POSTN: variants seen among roughly 807,000 people sequenced by gnomAD.
POSTN encodes the protein osteoblast specific factor 2 (fasciclin I-like).
Under a neutral mutation model 104.5 loss-of-function variants are expected in POSTN, and 71 were observed. That is an observed-to-expected ratio of 0.68 (90% CI 0.56 to 0.83). POSTN has a LOEUF of 0.83. Among genes scored for constraint, POSTN ranks in the 40% least tolerant of loss-of-function variants. The pLI is 0.00. For synonymous variants in POSTN, 355 were observed against 340.7 expected (o/e 1.04, Z -0.46); for missense variants, 949 against 1,006.8 (o/e 0.94, Z 0.78).
chr13:37,578,223 A>T (rs114199671), intron 15 of POSTN, among the ~76,000 whole-genome samples: 2 of 152,090 alleles, frequency 1.3e-5, no homozygotes, highest in African/African-American at 2.4e-5. Flanking sequence ...GTACCATTTT[A>T]TTTTTCTAAA....
At chr13:37,595,047 A>ATTTTTTTT (rs34055085) in intron 2 of POSTN, among the ~76,000 whole-genome samples, 1 of 144,398 alleles carries the variant, frequency 6.9e-6, no homozygotes, top group African/African-American at 2.5e-5. Flanking sequence ...CAAAGTAGTG[A>ATTTTTTTT]TTTTTTTTTT....
intron 2 of POSTN, among the ~76,000 whole-genome samples, chr13:37,596,601 C>A (rs951647802): frequency 6.6e-6 from 1 of 152,158 alleles, no homozygotes; most frequent in South Asian, 2.1e-4. Flanking sequence ...TCCGTTATCA[C>A]CTTGTGGACC....
chr13:37,573,558 A>G (rs1250114845), intron 17 of POSTN, among the ~76,000 whole-genome samples: 1 of 151,556 alleles, frequency 6.6e-6, no homozygotes, highest in East Asian at 1.9e-4. Flanking sequence ...TTTAAAAAAT[A>G]TAGATAAAAG....
intron 19 of POSTN, 150 bp from the exon 20 acceptor site, chr13:37,569,971 G>A (rs1248290606): frequency 1.7e-5 from 10 of 593,356 alleles, no homozygotes; most frequent in African/African-American, 5.6e-5. Context: ...GCAGCCTTAG[G>A]TATTATATAA....
chr13:37,591,292 G>T (rs978038066), intron 3 of POSTN, among the ~76,000 whole-genome samples: 1 of 152,074 alleles, frequency 6.6e-6, no homozygotes, highest in African/African-American at 2.4e-5. Context: ...AATAGTGTAT[G>T]TAAAAAAAAC....
At chr13:37,570,924 A>G (rs1457047453) in intron 18 of POSTN, 1 of 378,182 alleles carries the variant, frequency 2.6e-6, no homozygotes, top group South Asian at 4.4e-5. Context: ...TGTTTTCTGG[A>G]TGTGGAATAA....
intron 21 of POSTN, among the ~76,000 whole-genome samples, chr13:37,567,007 C>T (rs1003334147): frequency 4.1e-4 from 62 of 151,212 alleles, no homozygotes; most frequent in African/African-American, 1.4e-3. Context: ...GAGGCCGAGG[C>T]GGGCGGATCA....
intron 17 of POSTN, 172 bp from the exon 18 acceptor site, chr13:37,571,630 T>A: frequency 1.9e-6 from 1 of 515,578 alleles, no homozygotes; most frequent in Non-Finnish European, 3.4e-6. Context: ...TAGACAAGAG[T>A]TATGAGAACA....
In POSTN at chr13:37,579,901, A is replaced by G. The variant is rs778852195; in HGVS notation, c.1620T>C (p.Ala540=). The G allele has an allele frequency of 1.4e-4, 218 of 1,613,756 alleles. 3 individuals are homozygous for G. In the East Asian group the frequency reaches 4.8e-3, roughly 36 times the overall value. Residue 540 remains alanine, a synonymous_variant, in exon 12 of 23, where the codon GCT becomes GCC. Transcript: ENST00000379747. ...TTTCTTCACTAGTCATTCCCTTAAA[A>G]GCATCATTGGTTGGCACAAATAATG... ...DWTLFVPTND[A]FKGMTSEEKE...
intron 16 of POSTN, among the ~76,000 whole-genome samples, chr13:37,575,322 G>A (rs1000013140): frequency 4.8e-5 from 7 of 146,672 alleles, no homozygotes; most frequent in South Asian, 2.2e-4. Flanking sequence ...AACGTGTGTC[G>A]TCTACCTAAG....
At position 37,579,785 on chromosome 13, in the gene POSTN, T is replaced by C. The variant is rs188425760; in HGVS notation, c.1660+76A>G. On this transcript the variant is annotated intron_variant, in intron 12 of 22. Coordinates refer to ENST00000379747, the MANE Select transcript of POSTN (RefSeq NM_006475.3). ...AGAGGGGGCATTTTTAAGGCAGACA[T>C]CTGGACAGGAAAGCTTGAGAAAGAA... is the stretch of plus-strand genomic sequence containing the variant. 2.2e-5 allele frequency: 33 copies of C among 1,502,924 alleles called. No homozygotes were observed. In the East Asian group the frequency reaches 7.1e-4, roughly 32 times the overall value. 93.1% of individuals were successfully genotyped at this position (1,502,924 alleles called of 1,614,324 possible).
chr13:37,583,729 T>C (rs1199689394), intron 9 of POSTN, among the ~76,000 whole-genome samples: 2 of 152,190 alleles, frequency 1.3e-5, no homozygotes, highest in East Asian at 3.9e-4. Flanking sequence ...CTGGCCTGAA[T>C]AGTCTTAATT....
At chr13:37,583,900 GCAAA>G in intron 9 of POSTN, 65 bp downstream of exon 9, 1 of 1,532,708 alleles carries the variant, frequency 6.5e-7, no homozygotes, top group South Asian at 1.3e-5. Flanking sequence ...GTTTCTTATT[GCAAA>G]CAATCATCAT....
intron 4 of POSTN, among the ~76,000 whole-genome samples, chr13:37,588,245 A>G (rs1463291479): frequency 1.3e-5 from 2 of 152,136 alleles, no homozygotes; most frequent in East Asian, 1.9e-4. Flanking sequence ...TGAAGAGACA[A>G]TCTTGATATA....
chr13:37,580,377 T>C (rs997817475), intron 11 of POSTN, among the ~76,000 whole-genome samples, 184 bp downstream of exon 11: 1 of 152,216 alleles, frequency 6.6e-6, no homozygotes, highest in East Asian at 1.9e-4. Context: ...TGAAATCATA[T>C]AACGGTGTAC....
At chr13:37,571,326 T>A in intron 18 of POSTN, 43 bp downstream of exon 18, 3 of 1,248,904 alleles carry the variant, frequency 2.4e-6, no homozygotes, top group Non-Finnish European at 3.4e-6. Context: ...TTCAAAATAA[T>A]CACAGCGAAG....
At position 37,577,850 on chromosome 13, in the gene POSTN, C is replaced by A. The variant is rs1234145007; in HGVS notation, c.1963-52G>T. 2.5e-6 allele frequency: 4 copies of A among 1,607,748 alleles called. No individual in the cohort carries two copies. In the African/African-American group the frequency reaches 4.0e-5, roughly 16 times the overall value. On this transcript the variant is annotated intron_variant, in intron 15 of 22. Coordinates refer to ENST00000379747, the MANE Select transcript of POSTN (RefSeq NM_006475.3). ...ACATGAAAGGTGATAGTTGTGTTAA[C>A]AAAACCATGGCACCACTTTAATTCT...
chr13:37,576,029 T>C (rs1950399558), intron 16 of POSTN, among the ~76,000 whole-genome samples: 1 of 152,142 alleles, frequency 6.6e-6, no homozygotes, highest in Non-Finnish European at 1.5e-5. Flanking sequence ...TGGTTGGTAG[T>C]TTTCATTTCA....
intron 2 of POSTN, among the ~76,000 whole-genome samples, chr13:37,592,449 C>G (rs1476149526): frequency 6.6e-6 from 1 of 152,166 alleles, no homozygotes; most frequent in African/African-American, 2.4e-5. Context: ...CAGGCGCCTA[C>G]CACCACGCCT....
Sources: allele counts gnomAD v4.1 joint callset (sites outside exome capture counted in the v4.1 genomes callset), GRCh38; gene constraint gnomAD v4.1.1; transcripts MANE v1.5; gene names NCBI Gene and HGNC (gene_info 2026-07-23, HGNC 2026-07-21).